THADA: variants seen among roughly 807,000 people sequenced by gnomAD.
The protein encoded by THADA is THADA armadillo repeat containing, also known as tRNA (32-2'-O)-methyltransferase regulator THADA.
A neutral mutation model predicts 219.8 loss-of-function variants in THADA; 213 were observed. That is an observed-to-expected ratio of 0.97 (90% CI 0.87 to 1.09). The LOEUF is 1.09. Ranked by LOEUF, THADA falls within the 50% of genes least tolerant of loss-of-function variation. THADA has a pLI of 0.00. For synonymous variants in THADA, 1,018 were observed against 828.9 expected (o/e 1.23, Z -3.92); for missense variants, 2,956 against 2,311.3 (o/e 1.28, Z -5.72).
At chr2:43,237,248 GA>G (rs1668138314) in intron 36 of THADA, among the ~76,000 whole-genome samples, 1 of 151,932 alleles carries the variant, frequency 6.6e-6, no homozygotes, top group Non-Finnish European at 1.5e-5. Context: ...AAATAATGGG[GA>G]AAAAACGGTC....
At chr2:43,343,064 G>A (rs1031311812) in intron 30 of THADA, 12 of 151,900 alleles carry the variant, frequency 7.9e-5, no homozygotes, top group African/African-American at 2.9e-4. Context: ...GTCTCACTCT[G>A]TCACCCAGTC....
At chr2:43,397,241 T>C (rs1314194386) in intron 29 of THADA, among the ~76,000 whole-genome samples, 1 of 152,156 alleles carries the variant, frequency 6.6e-6, no homozygotes, top group Admixed American at 6.5e-5. Context: ...ACTCTGTTCA[T>C]AAACCAGGAA....
At chr2:43,548,646 C>T (rs371583701) in intron 20 of THADA, among the ~76,000 whole-genome samples, 1 of 152,242 alleles carries the variant, frequency 6.6e-6, no homozygotes, top group African/African-American at 2.4e-5. Flanking sequence ...ATCAGCGAGA[C>T]TCCGTGGGCG....
At chr2:43,499,662 C>T (rs143715973) in intron 24 of THADA, among the ~76,000 whole-genome samples, 1 of 152,108 alleles carries the variant, frequency 6.6e-6, no homozygotes, top group South Asian at 2.1e-4. Context: ...TAGGTGTGAG[C>T]CAGCGCACCC....
At chr2:43,243,058 C>T (rs925053718) in intron 36 of THADA, among the ~76,000 whole-genome samples, 2 of 152,168 alleles carry the variant, frequency 1.3e-5, no homozygotes, top group Non-Finnish European at 2.9e-5. Flanking sequence ...CTTTCTTGCA[C>T]CCTCCCCAGA....
chr2:43,412,312 T>C (rs1172521828), intron 28 of THADA, among the ~76,000 whole-genome samples: 1 of 152,208 alleles, frequency 6.6e-6, no homozygotes, highest in Non-Finnish European at 1.5e-5. Flanking sequence ...TCTTCAGTCA[T>C]GCCAAGTGCA....
At chr2:43,528,954 A>G (rs1693525826) in intron 21 of THADA, among the ~76,000 whole-genome samples, 1 of 152,246 alleles carries the variant, frequency 6.6e-6, no homozygotes, top group East Asian at 1.9e-4. Context: ...CTCCATACCC[A>G]TTAAAAAATA....
intron 31 of THADA, among the ~76,000 whole-genome samples, chr2:43,299,059 T>TC (rs377676244): frequency 1.3e-4 from 20 of 152,152 alleles, no homozygotes; most frequent in African/African-American, 4.1e-4. Flanking sequence ...TTATTCAGTG[T>TC]CCCCAAGGGA....
intron 36 of THADA, among the ~76,000 whole-genome samples, chr2:43,258,561 A>G (rs1670580663): frequency 6.6e-6 from 1 of 152,186 alleles, no homozygotes; most frequent in Non-Finnish European, 1.5e-5. Context: ...AATAAAAATT[A>G]TTTGTTATTT....
chr2:43,511,754 G>A (rs568554016), intron 22 of THADA, among the ~76,000 whole-genome samples: 21 of 152,190 alleles, frequency 1.4e-4, no homozygotes, highest in Non-Finnish European at 2.6e-4. Flanking sequence ...TGCATCTCAC[G>A]AGGACTTTTC....
intron 31 of THADA, among the ~76,000 whole-genome samples, chr2:43,308,695 C>T (rs990738961): frequency 5.0e-5 from 7 of 138,686 alleles, no homozygotes; most frequent in African/African-American, 1.6e-4. Context: ...GTGCAAGACC[C>T]TGTCTCTAGA....
At chr2:43,271,603 C>T (rs976610068) in intron 36 of THADA, among the ~76,000 whole-genome samples, 1 of 148,260 alleles carries the variant, frequency 6.7e-6, no homozygotes, top group East Asian at 2.0e-4. Context: ...AAATCCTACA[C>T]TCTTGGAACT....
chr2:43,448,293 G>A (rs1448326750), intron 26 of THADA, among the ~76,000 whole-genome samples: 1 of 152,214 alleles, frequency 6.6e-6, no homozygotes, highest in Non-Finnish European at 1.5e-5. Context: ...TCCTAGAACT[G>A]TAGCAGCTAA....
chr2:43,586,156 G>A (rs886490432), intron 7 of THADA, among the ~76,000 whole-genome samples: 2 of 151,998 alleles, frequency 1.3e-5, no homozygotes, highest in East Asian at 1.9e-4. Context: ...TCCCAGCTAC[G>A]TGGGAAGCTG....
intron 26 of THADA, among the ~76,000 whole-genome samples, chr2:43,439,715 A>G (rs1680599566): frequency 6.6e-6 from 1 of 152,208 alleles, no homozygotes; most frequent in South Asian, 2.1e-4. Flanking sequence ...GAAAAAATAT[A>G]GTGTATATAC....
At position 43,571,838 on chromosome 2, in the gene THADA, G is replaced by C; in HGVS notation, c.1933C>G (p.Leu645Val). ...TCTGTGCTCCGATTACTTTCACAAA[G>C]CAAGCCTAATGTATCTATCCTTACC... ...CQVRIDTLGL[L>V]CESNRSTEIV... is the part of the protein sequence containing the mutation. Residue 645 changes from leucine (L) to valine (V), a missense_variant, in exon 13 of 38, where the codon CTT (leucine) becomes GTT (valine). Physicochemically the swap from Leu to Val is conservative, Grantham distance 32. Coordinates refer to ENST00000405975, the MANE Select transcript of THADA (RefSeq NM_022065.5). The C allele has an allele frequency of 6.2e-7, 1 of 1,613,806 alleles. No individual in the cohort carries two copies. The highest frequency in any genetic ancestry group is 1.1e-5 in the South Asian group (1 of 91,076).
intron 20 of THADA, among the ~76,000 whole-genome samples, chr2:43,547,593 C>T (rs190874023): frequency 6.6e-6 from 1 of 152,118 alleles, no homozygotes; most frequent in Admixed American, 6.5e-5. Flanking sequence ...CTAAACCTCC[C>T]TTCTCGCTTC....
At chr2:43,432,460 C>CTT (rs536184758) in intron 26 of THADA, among the ~76,000 whole-genome samples, 144 of 141,338 alleles carry the variant, frequency 1.0e-3, no homozygotes, top group African/African-American at 2.9e-3. Context: ...GGTTCTTTAC[C>CTT]TTTTTTTTTT....
intron 31 of THADA, 65 bp downstream of exon 31, chr2:43,320,381 A>G: frequency 7.7e-7 from 1 of 1,290,902 alleles, no homozygotes; most frequent in Non-Finnish European, 1.1e-6. Flanking sequence ...AGAGCCACTC[A>G]AAACGCCATC....
Sources: allele counts gnomAD v4.1 joint callset (sites outside exome capture counted in the v4.1 genomes callset), GRCh38; gene constraint gnomAD v4.1.1; transcripts MANE v1.5; gene names NCBI Gene and HGNC (gene_info 2026-07-23, HGNC 2026-07-21).